THRAP3: variants seen among roughly 807,000 people sequenced by gnomAD.
THRAP3 encodes thyroid hormone receptor associated protein 3, also known as thyroid hormone receptor-associated protein 3.
A neutral mutation model predicts 101.0 loss-of-function variants in THRAP3; 16 were observed. The ratio of observed to expected loss-of-function variants is 0.16; its 90% CI spans 0.11 to 0.24. The LOEUF (loss-of-function observed/expected upper bound fraction) is 0.24. Ranked by LOEUF, THRAP3 falls within the 10% of genes least tolerant of loss-of-function variation. The probability of loss-of-function intolerance (pLI) is 1.00; values close to 1 mark genes in which losing one functional copy is unlikely to be tolerated. For missense variants in THRAP3, 989 were observed against 1,202.7 expected, an observed-to-expected ratio of 0.82 and a Z score of 2.63; for synonymous variants, 407 against 422.6, an observed-to-expected ratio of 0.96 and a Z score of 0.45.
intron 1 of THRAP3, among the ~76,000 whole-genome samples, chr1:36,251,556 A>G (rs1291771842): frequency 6.6e-6 from 1 of 152,190 alleles, no homozygotes; most frequent in Non-Finnish European, 1.5e-5. Flanking sequence ...TCGTTGACAG[A>G]GCCTACTGCT....
chr1:36,241,886 G>A, intron 1 of THRAP3: 1 of 154,234 alleles, frequency 6.5e-6, no homozygotes. Flanking sequence ...GCCAAGATCT[G>A]CTAAAATTAA....
At chr1:36,209,512 T>A in the THRAP3 span, among the ~76,000 whole-genome samples, 1 of 152,194 alleles carries the variant, frequency 6.6e-6, no homozygotes, top group East Asian at 1.9e-4. Context: ...CTCCAGACAT[T>A]GCCAAATATC....
chr1:36,243,151 CTTTTTTTTTTTT>C (rs58340320), intron 1 of THRAP3, among the ~76,000 whole-genome samples: 20 of 60,866 alleles, frequency 3.3e-4, no homozygotes, highest in African/African-American at 9.8e-4. Flanking sequence ...GAGGAACTTT[CTTTTTTTTTTTT>C]TTTTTTTTTT....
chr1:36,289,523 G>C lies in THRAP3; in HGVS notation c.1504G>C (p.Glu502Gln). 6.2e-7 allele frequency: 1 copy of C among 1,614,078 alleles called. No individual in the cohort carries two copies. The highest frequency in any genetic ancestry group is 8.5e-7 in the Non-Finnish European group (1 of 1,180,022). Residue 502 changes from glutamate to glutamine, a missense_variant, in exon 5 of 12, where the codon GAA (glutamate) becomes CAA (glutamine). Physicochemically the swap from Glu to Gln is conservative, Grantham distance 29. Coordinates refer to ENST00000354618, the MANE Select transcript of THRAP3 (RefSeq NM_005119.4). The stretch of plus-strand genomic sequence containing the variant: ...GTCTTTCCCAGAGAGATCCAAAAAG[G>C]AAGATCGGGGCAAGAGAAGCGAAGG... ...EESFPERSKK[E>Q]DRGKRSEGGH...
intron 3 of THRAP3, among the ~76,000 whole-genome samples, chr1:36,283,296 T>C (rs1234011096): frequency 6.6e-6 from 1 of 152,260 alleles, no homozygotes; most frequent in African/African-American, 2.4e-5. Flanking sequence ...TTGCCAGTAT[T>C]TCCTAATTCA....
intron 1 of THRAP3, among the ~76,000 whole-genome samples, chr1:36,239,824 A>G (rs1440740936): frequency 6.6e-6 from 1 of 152,222 alleles, no homozygotes; most frequent in Admixed American, 6.5e-5. Flanking sequence ...ACTTCTTTCC[A>G]CTAATCAACT....
At chr1:36,245,254 T>C (rs534256850) in intron 1 of THRAP3, among the ~76,000 whole-genome samples, 1 of 151,240 alleles carries the variant, frequency 6.6e-6, no homozygotes, top group Non-Finnish European at 1.5e-5. Flanking sequence ...GCAACCTCCA[T>C]ATCCCAGGTT....
chr1:36,238,866 A>G (rs1232070118), intron 1 of THRAP3, among the ~76,000 whole-genome samples: 1 of 151,948 alleles, frequency 6.6e-6, no homozygotes, highest in Non-Finnish European at 1.5e-5. Flanking sequence ...CTTCACAAGT[A>G]AGTAGCTGGG....
chr1:36,282,823 A>T (rs1557444824), intron 3 of THRAP3, 123 bp downstream of exon 3: 1 of 1,025,440 alleles, frequency 9.8e-7, no homozygotes, highest in Non-Finnish European at 1.5e-6. Context: ...CTTGAGGTGC[A>T]GGGTTGGGCT....
At chr1:36,224,766 C>T (rs1006770400) in intron 1 of THRAP3, among the ~76,000 whole-genome samples, 2 of 152,206 alleles carry the variant, frequency 1.3e-5, no homozygotes, top group Non-Finnish European at 2.9e-5. Flanking sequence ...AGCTCCTACG[C>T]CGCTTTATCT....
chr1:36,286,868 A>G lies in THRAP3; in HGVS notation c.638A>G (p.Asp213Gly). ...ACATTCTCTGGAGGCACCTCTCAAG[A>G]TACAAAAGCATCTGAGAGCTCGAAG... ...EQTFSGGTSQ[D>G]TKASESSKPW... Residue 213 changes from aspartate to glycine, a missense_variant, in exon 4 of 12, where the codon GAT (aspartate) becomes GGT (glycine). Transcript: ENST00000354618. The surrounding 1 kb of genome is among the most constrained non-coding windows in gnomAD (Gnocchi z 5.5). 6.2e-7 allele frequency: 1 copy of G among 1,614,142 alleles called. No individual in the cohort carries two copies. Among genetic ancestry groups the G allele is most frequent in the Non-Finnish European group, 8.5e-7 (1 of 1,179,968 alleles).
chr1:36,220,183 G>C (rs1557797458), upstream of THRAP3, among the ~76,000 whole-genome samples: 1 of 152,028 alleles, frequency 6.6e-6, no homozygotes, highest in South Asian at 2.1e-4. Context: ...TGTACAGATG[G>C]GGTTTCACTG....
intron 2 of THRAP3, among the ~76,000 whole-genome samples, chr1:36,268,141 C>T (rs1170352420): frequency 2.0e-5 from 3 of 151,732 alleles, no homozygotes; most frequent in Non-Finnish European, 4.4e-5. Flanking sequence ...GATCATGTGC[C>T]ACTGTACTCC....
At chr1:36,294,749 A>T (rs1222122952) in intron 8 of THRAP3, among the ~76,000 whole-genome samples, 4 of 152,162 alleles carry the variant, frequency 2.6e-5, no homozygotes, top group Admixed American at 2.6e-4. Flanking sequence ...TGTACTAGCC[A>T]TGTAAAACCC....
chr1:36,219,655 C>A (rs758773120), upstream of THRAP3, among the ~76,000 whole-genome samples: 17 of 151,962 alleles, frequency 1.1e-4, no homozygotes, highest in Non-Finnish European at 2.4e-4. Flanking sequence ...GTCTCGAACT[C>A]CTGACCTTTG....
chr1:36,229,412 G>GTTTTTTTTTTTTTT (rs1453155517), intron 1 of THRAP3, among the ~76,000 whole-genome samples: 3 of 80,958 alleles, frequency 3.7e-5, no homozygotes, highest in African/African-American at 1.1e-4. Context: ...TTTTTTTTTT[G>GTTTTTTTTTTTTTT]TTTTTTTTTT....
intron 2 of THRAP3, among the ~76,000 whole-genome samples, chr1:36,266,567 C>T (rs1013108751): frequency 1.3e-5 from 2 of 152,108 alleles, no homozygotes; most frequent in African/African-American, 2.4e-5. Context: ...CTAATTCACT[C>T]GCTGAAAAGG....
intron 1 of THRAP3, among the ~76,000 whole-genome samples, chr1:36,225,839 A>G (rs1644956455): frequency 1.3e-5 from 2 of 152,224 alleles, no homozygotes; most frequent in Non-Finnish European, 2.9e-5. Flanking sequence ...GTTAATGATA[A>G]GTTTTACTGC....
intron 1 of THRAP3, among the ~76,000 whole-genome samples, chr1:36,232,140 C>T (rs571986293): frequency 1.2e-4 from 18 of 152,192 alleles, no homozygotes; most frequent in African/African-American, 2.6e-4. Flanking sequence ...TACTTGAACC[C>T]GGGAGGCAAA....
Sources: allele counts gnomAD v4.1 joint callset (sites outside exome capture counted in the v4.1 genomes callset), GRCh38; gene constraint gnomAD v4.1.1; non-coding constraint Gnocchi (gnomAD v3.1); transcripts MANE v1.5; gene names NCBI Gene and HGNC (gene_info 2026-07-23, HGNC 2026-07-21).